ANKRD45: variants seen among roughly 807,000 people sequenced by gnomAD.
ANKRD45 encodes ankyrin repeat domain-containing protein 45.
A neutral mutation model predicts 28.1 loss-of-function variants in ANKRD45; 21 were observed. The ratio of observed to expected loss-of-function variants is 0.75; its 90% confidence interval spans 0.53 to 1.08. ANKRD45 has a LOEUF of 1.08. Among genes scored for constraint, ANKRD45 ranks in the 50% least tolerant of loss-of-function variants. The probability of loss-of-function intolerance (pLI) is 0.00; values close to 1 mark genes in which losing one functional copy is unlikely to be tolerated. For synonymous variants in ANKRD45, 86 were observed against 103.9 expected (o/e 0.83, Z 1.05); for missense variants, 261 against 308.7 (o/e 0.85, Z 1.16).
chr1:173,647,258 G>A (rs1449550339), intron 2 of ANKRD45, among the ~76,000 whole-genome samples: 1 of 152,178 alleles, frequency 6.6e-6, no homozygotes, highest in Non-Finnish European at 1.5e-5. Flanking sequence ...ACTTGCCCAA[G>A]GAAACATCCC....
chr1:173,714,512 A>C, the ANKRD45 span, among the ~76,000 whole-genome samples: 1 of 152,204 alleles, frequency 6.6e-6, no homozygotes, highest in Non-Finnish European at 1.5e-5. Context: ...GATAAGGTCT[A>C]TCTCTGGTCT....
At chr1:173,624,958 T>G in intron 4 of ANKRD45, 33 bp from the exon 5 acceptor site, 1 of 1,583,058 alleles carries the variant, frequency 6.3e-7, no homozygotes, top group Non-Finnish European at 8.6e-7. Context: ...TGCTCTCCAC[T>G]TATTTATTGA....
intron 4 of ANKRD45, among the ~76,000 whole-genome samples, chr1:173,626,562 A>T (rs2102327276): frequency 6.6e-6 from 1 of 152,306 alleles, no homozygotes; most frequent in East Asian, 1.9e-4. Flanking sequence ...GGACCCTACC[A>T]GTCCAGAACC....
At chr1:173,685,652 CTTG>C in the ANKRD45 span, among the ~76,000 whole-genome samples, 4 of 151,898 alleles carry the variant, frequency 2.6e-5, no homozygotes, top group East Asian at 1.9e-4. Flanking sequence ...CTATCTTGGT[CTTG>C]TTGTTAGATG....
intron 3 of ANKRD45, among the ~76,000 whole-genome samples, chr1:173,634,400 C>T (rs1463626220): frequency 6.6e-6 from 1 of 151,876 alleles, no homozygotes; most frequent in East Asian, 1.9e-4. Flanking sequence ...TTTTGGGCTA[C>T]GTTGTGTATA....
At chr1:173,671,646 G>A (rs530300382), upstream of ANKRD45, among the ~76,000 whole-genome samples, 4 of 151,732 alleles carry the variant, frequency 2.6e-5, no homozygotes, top group South Asian at 2.1e-4. Flanking sequence ...CAAGGCGGGC[G>A]GATCATGAAG....
At chr1:173,710,482 C>T in the ANKRD45 span, among the ~76,000 whole-genome samples, 1 of 152,288 alleles carries the variant, frequency 6.6e-6, no homozygotes, top group Middle Eastern at 3.4e-3. Context: ...CCCTTCTGCC[C>T]TGATTCTTCC....
chr1:173,700,094 C>T, the ANKRD45 span, among the ~76,000 whole-genome samples: 11 of 152,086 alleles, frequency 7.2e-5, no homozygotes, highest in Non-Finnish European at 1.5e-4. Flanking sequence ...GAATAAAATG[C>T]CTAGGAATCT....
intron 3 of ANKRD45, among the ~76,000 whole-genome samples, chr1:173,642,001 TATG>T (rs1288396450): frequency 1.3e-5 from 2 of 152,208 alleles, no homozygotes; most frequent in Middle Eastern, 3.2e-3. Context: ...TAGCCTTAGA[TATG>T]ATATTAGCAG....
chr1:173,688,671 T>C, the ANKRD45 span, among the ~76,000 whole-genome samples: 1 of 139,544 alleles, frequency 7.2e-6, no homozygotes, highest in East Asian at 2.1e-4. Context: ...GCCTCTTTCC[T>C]CTCTCTCTTT....
intron 5 of ANKRD45, among the ~76,000 whole-genome samples, chr1:173,613,571 C>G (rs1482656645): frequency 3.3e-5 from 5 of 149,622 alleles, no homozygotes; most frequent in East Asian, 2.0e-4. Flanking sequence ...AGCCCCCCCC[C>G]CGGCCAGCCG....
At chr1:173,630,547 A>T (rs1388201132) in intron 3 of ANKRD45, among the ~76,000 whole-genome samples, 2 of 152,102 alleles carry the variant, frequency 1.3e-5, no homozygotes, top group Non-Finnish European at 2.9e-5. Flanking sequence ...GGTAATCTCA[A>T]ATCAAAAAAC....
intron 3 of ANKRD45, chr1:173,636,881 A>G: frequency 6.5e-7 from 1 of 1,535,894 alleles, no homozygotes; most frequent in Non-Finnish European, 8.7e-7. Context: ...AAGCCCATTG[A>G]TCAACAACAT....
rs577463229 is a variant in ANKRD45, at chr1:173,654,291, G to T, written c.328+4800C>A. Reference sequence around the variant, plus strand: ...TCAGGAGCTCTTGTAAGGCAGGCCTGGTGGTGACAAAATCTCTCAGCATTT... The same window carrying T: ...TCAGGAGCTCTTGTAAGGCAGGCCTTGTGGTGACAAAATCTCTCAGCATTT... On this transcript the variant is annotated intron_variant, in intron 2 of 5. Transcript: ENST00000333279. Among the ~76,000 whole-genome samples, 3 of 152,204 alleles carry T rather than the reference G, an allele frequency of 2.0e-5. No homozygotes were observed. The East Asian group carries it at 5.8e-4, about 29-fold the overall frequency.
intron 3 of ANKRD45, among the ~76,000 whole-genome samples, chr1:173,640,783 G>A (rs1295373595): frequency 6.6e-6 from 1 of 152,190 alleles, no homozygotes; most frequent in African/African-American, 2.4e-5. Context: ...CCAATTGTCT[G>A]CTCCTACAGC....
upstream of ANKRD45, among the ~76,000 whole-genome samples, chr1:173,671,115 CTT>C (rs1670240454): frequency 1.3e-5 from 2 of 152,164 alleles, no homozygotes; most frequent in African/African-American, 2.4e-5. Flanking sequence ...TCCTTCCCCA[CTT>C]TAAGTTTTGA....
chr1:173,672,053 T>A (rs1670278493), upstream of ANKRD45, among the ~76,000 whole-genome samples: 7 of 152,176 alleles, frequency 4.6e-5, no homozygotes. Context: ...TTCTTCTGCC[T>A]AATGCCCCTC....
chr1:173,689,830 T>A, the ANKRD45 span, among the ~76,000 whole-genome samples: 2 of 152,148 alleles, frequency 1.3e-5, no homozygotes, highest in East Asian at 3.9e-4. Flanking sequence ...GTGGTAGGAA[T>A]GTTTTCATCA....
chr1:173,686,086 G>A, the ANKRD45 span, among the ~76,000 whole-genome samples: 13 of 152,158 alleles, frequency 8.5e-5, no homozygotes, highest in South Asian at 1.9e-3. Context: ...AAATCTCCCC[G>A]GATTAAATGG....
Sources: gnomAD v4.1 joint callset for allele counts (sites outside exome capture counted in the v4.1 genomes callset) on GRCh38, gnomAD v4.1.1 for gene constraint, MANE v1.5 for transcripts, NCBI Gene and HGNC (gene_info 2026-07-23, HGNC 2026-07-21) for gene names.